Variants in RAF1 observed in about 807,000 individuals in gnomAD.
RAF1 encodes Raf-1 proto-oncogene, serine/threonine kinase.
RAF1 carries 27 observed loss-of-function variants against 81.1 expected under a neutral mutation model. That is an observed-to-expected ratio of 0.33 (90% CI 0.25 to 0.46). The LOEUF is 0.46. Among genes scored for constraint, RAF1 ranks in the 20% least tolerant of loss-of-function variants. The probability of loss-of-function intolerance (pLI) is 1.00; values close to 1 mark genes in which losing one functional copy is unlikely to be tolerated. For missense variants in RAF1, 598 were observed against 826.0 expected (o/e 0.72, Z 3.38); for synonymous variants, 298 against 294.0 (o/e 1.01, Z -0.14).
chr3:12,587,837 C>CTTT lies in RAF1; in HGVS notation c.1431-203_1431-201dup, dbSNP rs374515740. 132 of 194,616 alleles carry CTTT rather than the reference C, an allele frequency of 6.8e-4. 1 individual carries two copies. Among genetic ancestry groups the CTTT allele is most frequent in the Middle Eastern group, 1.8e-3 (1 of 556 alleles). 12.1% of individuals were successfully genotyped at this position (194,616 alleles called of 1,614,324 possible). A position where few individuals can be genotyped will look rare whatever the true frequency, so the allele number is the denominator to read the frequency against. On this transcript the variant is annotated intron_variant, in intron 13 of 17. Transcript: ENST00000442415. ...GGCCACAGCACAAACATGCTTACAC[C>CTTT]TTTTTTTTTTTTTTTTTGGAGACTG...
chr3:12,622,164 CT>C (rs1012281978), intron 1 of RAF1, among the ~76,000 whole-genome samples: 5 of 152,070 alleles, frequency 3.3e-5, no homozygotes, highest in African/African-American at 1.2e-4. Flanking sequence ...TACAGCTCCT[CT>C]TTTTTCTAGA....
intron 15 of RAF1, 90 bp downstream of exon 14, chr3:12,585,591 G>A: frequency 7.2e-7 from 1 of 1,386,970 alleles, no homozygotes; most frequent in Non-Finnish European, 1.0e-6. Context: ...TCGGGGAAAT[G>A]TACAGAAACG....
chr3:12,637,174 T>G (rs887741219), intron 1 of RAF1, among the ~76,000 whole-genome samples: 1 of 152,178 alleles, frequency 6.6e-6, no homozygotes, highest in Non-Finnish European at 1.5e-5. Flanking sequence ...TTAAGTGTAT[T>G]ATACTCACTA....
chr3:12,637,072 C>T (rs1027044454), intron 1 of RAF1, among the ~76,000 whole-genome samples: 2 of 151,952 alleles, frequency 1.3e-5, no homozygotes, highest in South Asian at 2.1e-4. Flanking sequence ...ATTTAGAGTC[C>T]GGCATATAAA....
chr3:12,634,867 CATT>C (rs2059971352), intron 1 of RAF1, among the ~76,000 whole-genome samples: 1 of 152,084 alleles, frequency 6.6e-6, no homozygotes, highest in African/African-American at 2.4e-5. Context: ...AGCTGAACAA[CATT>C]AATAAAATAG....
chr3:12,644,398 T>C (rs2060281987), intron 1 of RAF1, among the ~76,000 whole-genome samples: 1 of 152,178 alleles, frequency 6.6e-6, no homozygotes, highest in African/African-American at 2.4e-5. Flanking sequence ...TGCCGCCAAC[T>C]ACTCTCCCAA....
intron 11 of RAF1, among the ~76,000 whole-genome samples, chr3:12,598,358 A>G (rs1193892827): frequency 6.6e-6 from 1 of 152,178 alleles, no homozygotes; most frequent in Non-Finnish European, 1.5e-5. Context: ...GTACTTTACA[A>G]ATGTTCAGTC....
chr3:12,655,227 C>T (rs2060652844), intron 1 of RAF1, among the ~76,000 whole-genome samples: 1 of 152,152 alleles, frequency 6.6e-6, no homozygotes, highest in African/African-American at 2.4e-5. Context: ...GGATTACAGG[C>T]ATGCGCCAAC....
chr3:12,622,311 T>C (rs1388792091), intron 1 of RAF1, among the ~76,000 whole-genome samples: 1 of 152,196 alleles, frequency 6.6e-6, no homozygotes, highest in Non-Finnish European at 1.5e-5. Flanking sequence ...CAGCTCCTAA[T>C]AATCCATGTA....
intron 1 of RAF1, among the ~76,000 whole-genome samples, chr3:12,631,291 G>T (rs1469110579): frequency 6.6e-6 from 1 of 152,148 alleles, no homozygotes; most frequent in African/African-American, 2.4e-5. Context: ...TTATCTAATT[G>T]AGTTGTTACT....
At chr3:12,620,747 G>C (rs935970335) in intron 1 of RAF1, among the ~76,000 whole-genome samples, 1 of 152,054 alleles carries the variant, frequency 6.6e-6, no homozygotes, top group East Asian at 1.9e-4. Context: ...CAAAGTACTG[G>C]GATTACAGGT....
intron 5 of RAF1, among the ~76,000 whole-genome samples, chr3:12,606,529 C>A (rs2059034799): frequency 2.0e-5 from 3 of 151,978 alleles, no homozygotes; most frequent in Admixed American, 1.3e-4. Context: ...CATACAGGCT[C>A]CTGTGTGCTT....
At chr3:12,603,555 GAAAT>G (rs2058930310) in intron 7 of RAF1, 1 of 695,676 alleles carries the variant, frequency 1.4e-6, no homozygotes, top group Admixed American at 2.1e-5. Context: ...AAAGCAATGA[GAAAT>G]AAAGAAGAAT....
intron 1 of RAF1, among the ~76,000 whole-genome samples, chr3:12,628,089 G>C (rs1472354820): frequency 6.6e-6 from 1 of 152,158 alleles, no homozygotes; most frequent in Non-Finnish European, 1.5e-5. Context: ...ATTCAGCCTG[G>C]GCAACAAGAG....
chr3:12,640,340 A>G (rs1389486667), intron 1 of RAF1, among the ~76,000 whole-genome samples: 2 of 152,230 alleles, frequency 1.3e-5, no homozygotes, highest in Non-Finnish European at 2.9e-5. Flanking sequence ...ACCGAAAGCA[A>G]GGGCAACAAA....
At chr3:12,649,778 G>A (rs1382415565) in intron 1 of RAF1, among the ~76,000 whole-genome samples, 2 of 152,016 alleles carry the variant, frequency 1.3e-5, no homozygotes, top group Non-Finnish European at 2.9e-5. Flanking sequence ...GGTGGGAGGA[G>A]TGCTTGAGCC....
intron 1 of RAF1, among the ~76,000 whole-genome samples, chr3:12,646,509 G>C (rs1454031682): frequency 6.6e-6 from 1 of 151,570 alleles, no homozygotes; most frequent in Non-Finnish European, 1.5e-5. Context: ...GAGTGGCTGG[G>C]ACTACAGGTG....
rs116306055 is a variant in RAF1, at chr3:12,614,617, G to A, written c.208-2555C>T. Among the ~76,000 whole-genome samples, 1,215 of 151,238 alleles carry A rather than the reference G, an allele frequency of 8.0e-3. 12 individuals carry two copies. The highest frequency in any genetic ancestry group is 0.011 in the Non-Finnish European group (739 of 67,842). On this transcript the variant is annotated intron_variant, in intron 2 of 17. Coordinates refer to ENST00000442415, the MANE Select transcript of RAF1 (RefSeq NM_001354689.3). Reference sequence around the variant, plus strand: ...ATGTTTTTTTTTTTTGTAGAGACAAGATCTCACTATATTGCCCAGGCTGGT... The same window carrying A: ...ATGTTTTTTTTTTTTGTAGAGACAAAATCTCACTATATTGCCCAGGCTGGT...
chr3:12,630,801 C>T (rs2059837280), intron 1 of RAF1, among the ~76,000 whole-genome samples: 1 of 152,106 alleles, frequency 6.6e-6, no homozygotes, highest in African/African-American at 2.4e-5. Flanking sequence ...AAGGCACAAT[C>T]TACCTTAGAT....
Sources: gnomAD v4.1 joint callset for allele counts (sites outside exome capture counted in the v4.1 genomes callset) on GRCh38, gnomAD v4.1.1 for gene constraint, MANE v1.5 for transcripts, NCBI Gene and HGNC (gene_info 2026-07-23, HGNC 2026-07-21) for gene names.